Variants in ATAD5 observed in about 807,000 individuals in gnomAD.
ATAD5 encodes ATPase family AAA domain containing 5.
ATAD5 carries 58 observed loss-of-function variants against 176.9 expected under a neutral mutation model. The ratio of observed to expected loss-of-function variants is 0.33; its 90% CI spans 0.27 to 0.41. The LOEUF (loss-of-function observed/expected upper bound fraction) is 0.41, where lower values mean the gene tolerates loss of function less well. ATAD5 is among the 10% of genes least tolerant of loss of function. The pLI, the probability that ATAD5 is intolerant of heterozygous loss-of-function variation, is 1.00. For missense variants in ATAD5, 1,789 were observed against 2,094.1 expected, an observed-to-expected ratio of 0.85 and a Z score of 2.84; for synonymous variants, 640 against 712.6, an observed-to-expected ratio of 0.90 and a Z score of 1.62.
intron 6 of ATAD5, among the ~76,000 whole-genome samples, chr17:30,846,110 G>T (rs922537662): frequency 6.6e-6 from 1 of 152,088 alleles, no homozygotes; most frequent in African/African-American, 2.4e-5. Context: ...GCTCAGAAAG[G>T]TTTTGTGTGC....
chr17:30,839,742 C>T (rs1239467148), intron 3 of ATAD5, among the ~76,000 whole-genome samples: 1 of 151,588 alleles, frequency 6.6e-6, no homozygotes, highest in Non-Finnish European at 1.5e-5. Flanking sequence ...CCACCAAGCC[C>T]AGCTAATTTT....
chr17:30,894,238 G>A, intron 21 of ATAD5, 88 bp downstream of exon 21: 1 of 1,154,566 alleles, frequency 8.7e-7, no homozygotes, highest in Non-Finnish European at 1.2e-6. Context: ...TAAAAATGCT[G>A]TACTATTGAT....
At chr17:30,878,733 T>TTTTTTTTG (rs1908830474) in intron 17 of ATAD5, among the ~76,000 whole-genome samples, 1 of 122,462 alleles carries the variant, frequency 8.2e-6, no homozygotes, top group African/African-American at 3.5e-5. Context: ...TTTTTTTTTT[T>TTTTTTTTG]TTTTTTTTTT....
In ATAD5 at chr17:30,836,031, T is replaced by C. The variant is rs1448703515; in HGVS notation, c.1950T>C (p.Asp650=). The part of the protein sequence containing the change: ...YTAELITVPF[D]SESPIRMKFT... ...CAGAATTAATAACAGTACCCTTTGA[T>C]TCAGAGAGCCCTATTAGGTAAGGTT... Residue 650 remains aspartate (D), a synonymous_variant, in exon 2 of 23, where the codon GAT becomes GAC. Coordinates refer to ENST00000321990, the MANE Select transcript of ATAD5 (RefSeq NM_024857.5). 1 of 1,601,754 alleles carries C rather than the reference T, an allele frequency of 6.2e-7. No individual in the cohort carries two copies. The highest frequency in any genetic ancestry group is 1.8e-5 in the Admixed American group (1 of 56,698).
At chr17:30,853,718 C>A (rs1223540393) in intron 6 of ATAD5, among the ~76,000 whole-genome samples, 2 of 152,160 alleles carry the variant, frequency 1.3e-5, no homozygotes, top group Non-Finnish European at 2.9e-5. Flanking sequence ...TTCCACTACT[C>A]CAACCTCCCA....
Position 30,853,990 on chromosome 17 carries a change from C to A in ATAD5, c.2451-1153C>A, listed in dbSNP as rs796375198. Among the ~76,000 whole-genome samples, 83 of 151,660 alleles carry A rather than the reference C, an allele frequency of 5.5e-4. 1 individual carries two copies. The highest frequency in any genetic ancestry group is 2.0e-3 in the African/African-American group (81 of 41,340). ...ACTCACCTACCACCCAAAGATAGCC[C>A]CTGTTAACATTTTGGTGGATGTCCT... On this transcript the variant is annotated intron_variant, in intron 6 of 22. Transcript: ENST00000321990.
In ATAD5 at chr17:30,834,588, A is replaced by G. The variant is rs780730225; in HGVS notation, c.507A>G (p.Ala169=). The change falls in exon 2 of 23, where the codon GCA becomes GCG. Residue 169 remains alanine (A), a synonymous_variant. Coordinates refer to ENST00000321990, the MANE Select transcript of ATAD5 (RefSeq NM_024857.5). ...LRYKKQVEVL[A]ENIQDTKSQP... is the part of the protein sequence containing the mutation. Reference sequence around the variant, plus strand: ...ACAAGAAACAAGTAGAGGTACTTGCAGAAAACATTCAAGATACAAAAAGTC... The same window carrying G: ...ACAAGAAACAAGTAGAGGTACTTGCGGAAAACATTCAAGATACAAAAAGTC... 1.2e-6 allele frequency: 2 copies of G among 1,610,012 alleles called. No homozygotes were observed. The highest frequency in any genetic ancestry group is 1.3e-5 in the African/African-American group (1 of 74,730).
intron 1 of ATAD5, 66 bp from the exon 2 acceptor site, chr17:30,834,082 G>A (rs1905545469): frequency 7.6e-7 from 1 of 1,310,754 alleles, no homozygotes; most frequent in Non-Finnish European, 1.0e-6. Context: ...TTAGATCCAT[G>A]TTTAAAATTT....
chr17:30,861,567 G>A (rs916072418), intron 10 of ATAD5, among the ~76,000 whole-genome samples: 3 of 151,432 alleles, frequency 2.0e-5, no homozygotes, highest in African/African-American at 2.4e-5. Context: ...TCTCTCCGTC[G>A]CTTGCCTGAT....
At chr17:30,876,323 C>A in intron 14 of ATAD5, 51 bp from the exon 15 acceptor site, 2 of 1,480,668 alleles carry the variant, frequency 1.4e-6, no homozygotes, top group African/African-American at 1.4e-5. Flanking sequence ...GTCTTGCTAC[C>A]TGTATGATTT....
chr17:30,857,002 A>G lies in ATAD5; in HGVS notation c.2683A>G (p.Lys895Glu). 6.2e-7 allele frequency: 1 copy of G among 1,606,316 alleles called. No individual in the cohort carries two copies. ...LKPPSCPLLT[K>E]FKELNTKVID... ...ACCACCCTCTTGTCCTCTCTTAACT[A>G]AATTTAAAGAACTGAACACTAAAGT... Residue 895 changes from lysine to glutamate, a missense_variant, in exon 8 of 23, where the codon AAA becomes GAA. By Grantham distance (56) the Lys-to-Glu change is moderately conservative. Coordinates refer to ENST00000321990, the MANE Select transcript of ATAD5 (RefSeq NM_024857.5).
intron 10 of ATAD5, chr17:30,864,412 T>TG (rs1476574032): frequency 6.6e-6 from 1 of 152,236 alleles, no homozygotes; most frequent in Non-Finnish European, 1.5e-5. Flanking sequence ...CATTCCATGA[T>TG]GCTGAGATTT....
chr17:30,832,851 T>A (rs867165027), intron 1 of ATAD5, among the ~76,000 whole-genome samples: 1 of 152,220 alleles, frequency 6.6e-6, no homozygotes, highest in African/African-American at 2.4e-5. Flanking sequence ...AGAATGTCAC[T>A]ACAGAAATCA....
At chr17:30,868,849 CTT>C (rs568729653) in intron 12 of ATAD5, among the ~76,000 whole-genome samples, 67 of 131,660 alleles carry the variant, frequency 5.1e-4, no homozygotes, top group Middle Eastern at 4.1e-3. Context: ...TGATTTTCTA[CTT>C]TTTTTTTTTT....
In ATAD5 at chr17:30,834,853, T is replaced by C; in HGVS notation, c.772T>C (p.Leu258=). ...SRDNVTEAAQ[L]NDSIITVSYE... ...AGATAACGTAACTGAAGCAGCCCAG[T>C]TAAATGATAGTATAATAACTGTCTC... Residue 258 remains leucine (L), a synonymous_variant, in exon 2 of 23, where the codon TTA becomes CTA. Transcript: ENST00000321990. The C allele has an allele frequency of 6.2e-7, 1 of 1,613,578 alleles. No homozygotes were observed. Among genetic ancestry groups the C allele is most frequent in the Non-Finnish European group, 8.5e-7 (1 of 1,179,806 alleles).
chr17:30,891,721 TG>T (rs1242850168), intron 19 of ATAD5, among the ~76,000 whole-genome samples: 2 of 149,216 alleles, frequency 1.3e-5, no homozygotes, highest in Non-Finnish European at 3.0e-5. Flanking sequence ...AGTCTCGCTC[TG>T]TTGCCGAGGC....
At chr17:30,891,291 T>G (rs1218856172) in intron 19 of ATAD5, among the ~76,000 whole-genome samples, 1 of 152,224 alleles carries the variant, frequency 6.6e-6, no homozygotes. Context: ...ATTTAAAAAG[T>G]GAAACATGTA....
intron 14 of ATAD5, among the ~76,000 whole-genome samples, chr17:30,874,159 C>T (rs1048796906): frequency 7.4e-4 from 110 of 147,666 alleles, no homozygotes; most frequent in South Asian, 3.3e-3. Flanking sequence ...TGTGAGACTC[C>T]GTCTCAGAAA....
rs61664127 is a variant in ATAD5 at position 30,884,424 on chromosome 17, CTTTTTTTTTTTTTTT to C, written c.4078-2760_4078-2746del. Among the ~76,000 whole-genome samples the C allele has an allele frequency of 6.2e-5, 5 of 80,966 alleles. No individual in the cohort carries two copies. The South Asian group carries it at 2.0e-3, about 33-fold the overall frequency. 53.1% of individuals were successfully genotyped at this position (80,966 alleles called of 152,430 possible). On this transcript the variant is annotated intron_variant, in intron 18 of 22. Coordinates refer to ENST00000321990, the MANE Select transcript of ATAD5 (RefSeq NM_024857.5). ...ACTTGCATTATATTTCTTTTCTTTTCTTTTTTTTTTTTTTTTTTTTTTGAGATGTAGTCTTGCTCT... is the reference window on the plus strand; with the variant it reads ...ACTTGCATTATATTTCTTTTCTTTTCTTTTTTTGAGATGTAGTCTTGCTCT...
Sources: allele counts gnomAD v4.1 joint callset (sites outside exome capture counted in the v4.1 genomes callset), GRCh38; gene constraint gnomAD v4.1.1; transcripts MANE v1.5; gene names NCBI Gene and HGNC (gene_info 2026-07-23, HGNC 2026-07-21).